Variants in RNF144B observed in about 807,000 individuals in gnomAD.
The protein encoded by RNF144B is E3 ubiquitin-protein ligase RNF144B.
Under a neutral mutation model 40.2 loss-of-function variants are expected in RNF144B, and 25 were observed. The ratio of observed to expected loss-of-function variants is 0.62; its 90% confidence interval spans 0.45 to 0.87. RNF144B has a LOEUF of 0.87. Ranked by LOEUF, RNF144B falls within the 40% of genes least tolerant of loss-of-function variation. The pLI, the probability that RNF144B is intolerant of heterozygous loss-of-function variation, is 0.00. For missense variants in RNF144B, 365 were observed against 373.7 expected, an observed-to-expected ratio of 0.98 and a Z score of 0.19; for synonymous variants, 145 against 136.3, an observed-to-expected ratio of 1.06 and a Z score of -0.44.
chr6:18,409,561 C>G (rs75563389), intron 2 of RNF144B, among the ~76,000 whole-genome samples: 1 of 93,262 alleles, frequency 1.1e-5, no homozygotes, highest in Non-Finnish European at 2.0e-5. Context: ...CTTGCATAAC[C>G]TTTTTTTTTT....
chr6:18,448,504 T>C lies in RNF144B; in HGVS notation c.332-8651T>C, dbSNP rs1424701111. On this transcript the variant is annotated intron_variant, in intron 4 of 7. Transcript: ENST00000259939. The surrounding 1 kb of genome is among the most constrained non-coding windows in gnomAD (Gnocchi z 4.0). Reference sequence around the variant, plus strand: ...AAGCAAAAGGAGGAGCTTTATGTAATATGAAAGTATAGCGAACCTAGCAAT... The same window carrying C: ...AAGCAAAAGGAGGAGCTTTATGTAACATGAAAGTATAGCGAACCTAGCAAT... Among the ~76,000 whole-genome samples, 2 of 152,052 alleles carry C rather than the reference T, an allele frequency of 1.3e-5. No homozygotes were observed. Among genetic ancestry groups the C allele is most frequent in the Non-Finnish European group, 2.9e-5 (2 of 68,016 alleles).
intron 4 of RNF144B, among the ~76,000 whole-genome samples, chr6:18,440,144 A>AT (rs1416232531): frequency 6.6e-6 from 1 of 152,188 alleles, no homozygotes; most frequent in Non-Finnish European, 1.5e-5. Context: ...CTCAGAATAC[A>AT]TAACACCTGT....
intron 2 of RNF144B, among the ~76,000 whole-genome samples, chr6:18,417,732 A>G (rs1014984649): frequency 2.0e-5 from 3 of 152,200 alleles, no homozygotes; most frequent in African/African-American, 7.2e-5. Context: ...AAGCAGATAA[A>G]TTGGACTTCA....
At chr6:18,399,342 G>A (rs1794751915) in intron 1 of RNF144B, among the ~76,000 whole-genome samples, 157 bp from the exon 2 acceptor site, 1 of 152,190 alleles carries the variant, frequency 6.6e-6, no homozygotes. Flanking sequence ...GCCGAGGTAG[G>A]TGAACCACTC....
Position 18,458,096 on chromosome 6 carries a change from C to T in RNF144B, c.536+737C>T, listed in dbSNP as rs1229963238. On this transcript the variant is annotated intron_variant, in intron 5 of 7. Transcript: ENST00000259939. The surrounding 1 kb of genome is among the most constrained non-coding windows in gnomAD (Gnocchi z 4.8). ...GGGATTGCAGGCACTTGCCACCACG[C>T]CTGGCTAATTTTTCTATTTTTAGTA... Among the ~76,000 whole-genome samples the T allele has an allele frequency of 6.6e-6, 1 of 152,070 alleles. No homozygotes were observed. The highest frequency in any genetic ancestry group is 1.5e-5 in the Non-Finnish European group (1 of 68,014).
intron 3 of RNF144B, among the ~76,000 whole-genome samples, chr6:18,431,039 G>C (rs887073880): frequency 6.6e-6 from 1 of 151,830 alleles, no homozygotes; most frequent in East Asian, 1.9e-4. Context: ...TCAGGAGATC[G>C]AGACCATCCG....
intron 1 of RNF144B, 87 bp downstream of exon 1, chr6:18,387,717 C>A: frequency 8.9e-7 from 1 of 1,125,992 alleles, no homozygotes. Flanking sequence ...AGGAAACTCA[C>A]TGTGACACCA....
At chr6:18,431,079 A>C (rs1758684521) in intron 3 of RNF144B, among the ~76,000 whole-genome samples, 1 of 152,070 alleles carries the variant, frequency 6.6e-6, no homozygotes, top group South Asian at 2.1e-4. Context: ...CTTTCTACTA[A>C]AAAGACAAAA....
intron 2 of RNF144B, among the ~76,000 whole-genome samples, chr6:18,411,054 T>C (rs1020488101): frequency 1.3e-5 from 2 of 151,472 alleles, no homozygotes; most frequent in Non-Finnish European, 2.9e-5. Flanking sequence ...GCGTGATCTC[T>C]GCTCACTGCA....
chr6:18,403,967 A>G (rs1365573988), intron 2 of RNF144B, among the ~76,000 whole-genome samples: 2 of 152,220 alleles, frequency 1.3e-5, no homozygotes, highest in Non-Finnish European at 2.9e-5. Context: ...CATTCTCGCC[A>G]CAGCAAGAAC....
Position 18,399,527 on chromosome 6 carries a change from A to T in RNF144B, c.-8A>T, listed in dbSNP as rs1273394904. The T allele has an allele frequency of 5.0e-6, 8 of 1,613,976 alleles. No homozygotes were observed. In the Admixed American group the frequency reaches 1.3e-4, roughly 27 times the overall value. ...TTGAGGAGACTGAAGAATGCTGAAG[A>T]CAGGCTGATGGGCTCAGCTGGTAGG... On this transcript the variant is annotated 5_prime_UTR_variant, in exon 2 of 8. Transcript: ENST00000259939.
At chr6:18,409,153 G>A (rs1177677855) in intron 2 of RNF144B, among the ~76,000 whole-genome samples, 1 of 151,780 alleles carries the variant, frequency 6.6e-6, no homozygotes, top group African/African-American at 2.4e-5. Context: ...CGAGGCGGGT[G>A]GATCACTTGG....
chr6:18,403,944 G>C (rs934270828), intron 2 of RNF144B, among the ~76,000 whole-genome samples: 1 of 152,112 alleles, frequency 6.6e-6, no homozygotes. Flanking sequence ...ATTCATTCCC[G>C]CAAGAACTAA....
chr6:18,422,486 C>T lies in RNF144B; in HGVS notation c.166-5095C>T, dbSNP rs1479175725. On this transcript the variant is annotated intron_variant, in intron 2 of 7. Transcript: ENST00000259939. The surrounding 1 kb of genome is among the most constrained non-coding windows in gnomAD (Gnocchi z 4.7). Reference sequence around the variant, plus strand: ...TACTCAAGACCTGTCTGGGCTTTGGCCTTTGGGCACATTCCCCCTCATCAC... The same window carrying T: ...TACTCAAGACCTGTCTGGGCTTTGGTCTTTGGGCACATTCCCCCTCATCAC... Among the ~76,000 whole-genome samples, 1 of 152,148 alleles carries T rather than the reference C, an allele frequency of 6.6e-6. No individual in the cohort carries two copies. The highest frequency in any genetic ancestry group is 1.9e-4 in the East Asian group (1 of 5,194).
At chr6:18,407,035 C>T (rs976928558) in intron 2 of RNF144B, among the ~76,000 whole-genome samples, 2 of 152,054 alleles carry the variant, frequency 1.3e-5, no homozygotes, top group African/African-American at 4.8e-5. Context: ...GGGGATACTG[C>T]CCCTATAATC....
rs1252481092 is a variant in RNF144B at position 18,468,550 on chromosome 6, G to A, written c.*3483G>A. 6.6e-6 allele frequency: 1 copy of A among 151,574 alleles called. No homozygotes were observed. Among genetic ancestry groups the A allele is most frequent in the Non-Finnish European group, 1.5e-5 (1 of 67,878 alleles). 9.4% of individuals were successfully genotyped at this position (151,574 alleles called of 1,614,324 possible). A position where few individuals can be genotyped will look rare whatever the true frequency, so the allele number is the denominator to read the frequency against. On this transcript the variant is annotated 3_prime_UTR_variant, in exon 8 of 8. Transcript: ENST00000259939. Reference sequence around the variant, plus strand: ...CACGTTTTTTCTTAAAAATTATTCTGAATTAAATGTATATTTCTTTAGCCT... The same window carrying A: ...CACGTTTTTTCTTAAAAATTATTCTAAATTAAATGTATATTTCTTTAGCCT...
rs1428211957 is a variant in RNF144B, at chr6:18,450,165, G to A, written c.332-6990G>A. ...ATTCTGCACTTTCCCAGACTTGTCTGTGCTGGATGCAGGTTTTATATTAAT... is the reference window on the plus strand; with the variant it reads ...ATTCTGCACTTTCCCAGACTTGTCTATGCTGGATGCAGGTTTTATATTAAT... On this transcript the variant is annotated intron_variant, in intron 4 of 7. Coordinates refer to ENST00000259939, the MANE Select transcript of RNF144B (RefSeq NM_182757.4). This position sits in a 1 kb window ranked among gnomAD's most constrained non-coding sequence, Gnocchi z 4.7. 6.6e-6 allele frequency among the ~76,000 whole-genome samples: 1 copy of A among 152,142 alleles called. No homozygotes were observed. Among genetic ancestry groups the A allele is most frequent in the East Asian group, 1.9e-4 (1 of 5,188 alleles).
At chr6:18,451,063 T>C (rs1230951881) in intron 4 of RNF144B, among the ~76,000 whole-genome samples, 1 of 152,238 alleles carries the variant, frequency 6.6e-6, no homozygotes, top group Non-Finnish European at 1.5e-5. Context: ...TAAATATTTC[T>C]TACCTCTACC....
intron 3 of RNF144B, among the ~76,000 whole-genome samples, chr6:18,430,143 A>G (rs1271728353): frequency 6.6e-6 from 1 of 152,238 alleles, no homozygotes; most frequent in Non-Finnish European, 1.5e-5. Context: ...GCCACTAGCC[A>G]CATGTGGCTA....
Sources: gnomAD v4.1 joint callset for allele counts (sites outside exome capture counted in the v4.1 genomes callset) on GRCh38, gnomAD v4.1.1 for gene constraint, Gnocchi (gnomAD v3.1) non-coding constraint, MANE v1.5 for transcripts, NCBI Gene and HGNC (gene_info 2026-07-23, HGNC 2026-07-21) for gene names.